ANKRD26: variants seen among roughly 807,000 people sequenced by gnomAD.
ANKRD26 encodes ankyrin repeat domain 26, also known as ankyrin repeat domain-containing protein 26.
Under a neutral mutation model 208.7 loss-of-function variants are expected in ANKRD26, and 141 were observed. The ratio of observed to expected loss-of-function variants is 0.68; its 90% confidence interval spans 0.59 to 0.78. The LOEUF (loss-of-function observed/expected upper bound fraction) is 0.78, where lower values mean the gene tolerates loss of function less well. Ranked by LOEUF, ANKRD26 falls within the 30% of genes least tolerant of loss-of-function variation. The pLI is 0.00. For missense variants in ANKRD26, 1,889 were observed against 1,938.7 expected (o/e 0.97, Z 0.48); for synonymous variants, 636 against 660.4 (o/e 0.96, Z 0.57).
intron 3 of ANKRD26, among the ~76,000 whole-genome samples, chr10:26,986,464 A>G (rs1334847837): frequency 1.3e-5 from 2 of 152,190 alleles, no homozygotes; most frequent in African/African-American, 4.8e-5. Context: ...CTGCACAGCA[A>G]AAGAAACTAC....
chr10:26,994,524 G>A lies in ANKRD26; in HGVS notation c.*29+517C>T, dbSNP rs376040300. ...CTGTTTCCAAGTAGATTTCCCTCTC[G>A]TTTGGGCTATGCTCTGGGTTTTCTT... is the stretch of plus-strand genomic sequence containing the variant. On this transcript the variant is annotated intron_variant, in intron 5 of 5. Coordinates refer to the ANKRD26 transcript ENST00000445828. Among the ~76,000 whole-genome samples, 8 of 151,630 alleles carry A rather than the reference G, an allele frequency of 5.3e-5. No individual in the cohort carries two copies. The East Asian group carries it at 7.7e-4, about 15-fold the overall frequency.
chr10:27,054,368 T>G (rs868588870), intron 15 of ANKRD26, among the ~76,000 whole-genome samples: 1 of 152,096 alleles, frequency 6.6e-6, no homozygotes, highest in African/African-American at 2.4e-5. Flanking sequence ...GTGGATCACT[T>G]GAGGCCAGGA....
chr10:27,077,850 T>C (rs979340303), intron 7 of ANKRD26, among the ~76,000 whole-genome samples, 157 bp from the exon 8 acceptor site: 1 of 152,184 alleles, frequency 6.6e-6, no homozygotes, highest in African/African-American at 2.4e-5. Context: ...GTTCTGCCCT[T>C]TGCTACATCT....
chr10:27,035,490 A>C lies in ANKRD26; in HGVS notation c.2960T>G (p.Met987Arg). 6.2e-7 allele frequency: 1 copy of C among 1,613,990 alleles called. No homozygotes were observed. Among genetic ancestry groups the C allele is most frequent in the Non-Finnish European group, 8.5e-7 (1 of 1,179,932 alleles). The change falls in exon 24 of 34, where the codon ATG (methionine) becomes AGG (arginine). Residue 987 changes from methionine (M) to arginine (R), a missense_variant. Transcript: ENST00000376087. ...RLSVLTAENAMLNSKLENEKQ... is the reference protein window; with the variant it reads ...RLSVLTAENARLNSKLENEKQ... ...TTCATTCTCCAGTTTAGAATTTAGC[A>C]TTGCATTCTCAGCTGTCAGAACACT...
At chr10:27,050,835 C>T (rs1167339469) in intron 16 of ANKRD26, among the ~76,000 whole-genome samples, 1 of 152,176 alleles carries the variant, frequency 6.6e-6, no homozygotes, top group Non-Finnish European at 1.5e-5. Context: ...CCATATGTCA[C>T]TTGGAAGACT....
chr10:27,041,512 AT>A (rs1163531859), intron 20 of ANKRD26, among the ~76,000 whole-genome samples: 1 of 152,204 alleles, frequency 6.6e-6, no homozygotes, highest in Non-Finnish European at 1.5e-5. Context: ...CATAAAAGCA[AT>A]ATAGGAAAAA....
the ANKRD26 span, among the ~76,000 whole-genome samples, chr10:26,958,223 T>C: frequency 4.8e-3 from 734 of 152,104 alleles, 7 homozygotes; most frequent in African/African-American, 0.017. Flanking sequence ...GGTGGGATTA[T>C]AGGTGCGTGC....
intron 5 of ANKRD26, among the ~76,000 whole-genome samples, chr10:26,976,950 C>T (rs1365843014): frequency 6.6e-6 from 1 of 152,104 alleles, no homozygotes. Flanking sequence ...TCACAGCATC[C>T]GTGATAATGC....
Position 27,099,301 on chromosome 10 carries a change from C to T in ANKRD26, c.242+784G>A, listed in dbSNP as rs185242377. ...CCACCACGCCTGGCCTCTACTGCCACTTTCAATGGTCACATATTATCATGC... is the reference window on the plus strand; with the variant it reads ...CCACCACGCCTGGCCTCTACTGCCATTTTCAATGGTCACATATTATCATGC... On this transcript the variant is annotated intron_variant, in intron 1 of 33. Transcript: ENST00000376087. Among the ~76,000 whole-genome samples the T allele has an allele frequency of 5.4e-5, 8 of 149,298 alleles. No individual in the cohort carries two copies. The East Asian group carries it at 1.6e-3, about 31-fold the overall frequency.
At chr10:27,006,831 G>T in intron 33 of ANKRD26, 86 bp downstream of exon 33, 1 of 1,052,100 alleles carries the variant, frequency 9.5e-7, no homozygotes. Flanking sequence ...GCCAAACAAT[G>T]GAAAGGGATC....
intron 32 of ANKRD26, among the ~76,000 whole-genome samples, chr10:27,012,030 A>G (rs983884731): frequency 3.3e-5 from 5 of 152,236 alleles, no homozygotes; most frequent in African/African-American, 1.2e-4. Flanking sequence ...AAAAATACAA[A>G]TTAATCAGTG....
intron 1 of ANKRD26, among the ~76,000 whole-genome samples, chr10:27,094,299 C>T (rs1206196865): frequency 1.3e-5 from 2 of 152,104 alleles, no homozygotes; most frequent in African/African-American, 2.4e-5. Flanking sequence ...CATGTTAATC[C>T]TCCGCCTTCA....
At chr10:26,967,583 A>C in the ANKRD26 span, among the ~76,000 whole-genome samples, 1 of 152,084 alleles carries the variant, frequency 6.6e-6, no homozygotes, top group Non-Finnish European at 1.5e-5. Context: ...TTTCTAAATC[A>C]TACTCCACAT....
downstream of ANKRD26, among the ~76,000 whole-genome samples, chr10:26,972,413 T>C (rs2052163677): frequency 6.6e-6 from 1 of 151,766 alleles, no homozygotes; most frequent in African/African-American, 2.4e-5. Flanking sequence ...TACTAAGAAA[T>C]GTGCAAGATT....
At chr10:26,995,144 G>T (rs1388806371) in exon 5 of ANKRD26, 2 of 471,178 alleles carry the variant, frequency 4.2e-6, no homozygotes, top group Non-Finnish European at 8.8e-6. Context: ...TCATCAGAAG[G>T]TCCCTGGAAT....
intron 24 of ANKRD26, among the ~76,000 whole-genome samples, chr10:27,034,159 AC>A (rs1488319536): frequency 6.6e-6 from 1 of 152,262 alleles, no homozygotes; most frequent in Non-Finnish European, 1.5e-5. Context: ...GCTAAAATTC[AC>A]ATTTGTCCCA....
At chr10:26,999,713 G>T (rs2052676429), downstream of ANKRD26, among the ~76,000 whole-genome samples, 1 of 149,970 alleles carries the variant, frequency 6.7e-6, no homozygotes, top group Non-Finnish European at 1.5e-5. Flanking sequence ...GAAAAGCATG[G>T]TGCTCTTTTT....
At chr10:27,044,845 A>G (rs2054384902) in intron 18 of ANKRD26, among the ~76,000 whole-genome samples, 1 of 152,130 alleles carries the variant, frequency 6.6e-6, no homozygotes, top group Non-Finnish European at 1.5e-5. Flanking sequence ...CAAAATTCAA[A>G]CCCAAAAATT....
chr10:26,960,222 A>G, the ANKRD26 span, among the ~76,000 whole-genome samples: 1 of 152,150 alleles, frequency 6.6e-6, no homozygotes, highest in Non-Finnish European at 1.5e-5. Context: ...TGCCTGAAGC[A>G]AAAGAAGGTG....
Sources: allele counts gnomAD v4.1 joint callset (sites outside exome capture counted in the v4.1 genomes callset), GRCh38; gene constraint gnomAD v4.1.1; transcripts MANE v1.5; gene names NCBI Gene and HGNC (gene_info 2026-07-23, HGNC 2026-07-21).